COQ5: variants seen among roughly 807,000 people sequenced by gnomAD.
COQ5 encodes 2-methoxy-6-polyprenyl-1,4-benzoquinol methylase, mitochondrial.
In COQ5, 27 loss-of-function variants were observed where a neutral mutation model predicts 40.5. The ratio of observed to expected loss-of-function variants is 0.67; its 90% confidence interval spans 0.49 to 0.92. The LOEUF is 0.92. Among genes scored for constraint, COQ5 ranks in the 40% least tolerant of loss-of-function variants. The probability of loss-of-function intolerance (pLI) is 0.00; values close to 1 mark genes in which losing one functional copy is unlikely to be tolerated. For synonymous variants in COQ5, 141 were observed against 150.0 expected (o/e 0.94, Z 0.44); for missense variants, 409 against 406.4 (o/e 1.01, Z -0.06).
At chr12:120,523,412 C>T (rs760561651) in intron 1 of COQ5, 7 of 401,052 alleles carry the variant, frequency 1.7e-5, no homozygotes, top group Non-Finnish European at 3.4e-5. Flanking sequence ...TCGGGACTGG[C>T]TGTGTGTGGT....
intron 4 of COQ5, among the ~76,000 whole-genome samples, chr12:120,506,603 G>T (rs1868892550): frequency 6.6e-6 from 1 of 152,020 alleles, no homozygotes; most frequent in Non-Finnish European, 1.5e-5. Context: ...GAGACTTCAG[G>T]TGATCCTTCC....
chr12:120,520,378 T>G (rs1282783266), intron 2 of COQ5, among the ~76,000 whole-genome samples: 5 of 149,030 alleles, frequency 3.4e-5, no homozygotes, highest in African/African-American at 9.9e-5. Flanking sequence ...CAGGCTGGAG[T>G]GTGGTGGCTT....
In COQ5 at chr12:120,510,215, A is replaced by C; in HGVS notation, c.575-92T>G. On this transcript the variant is annotated intron_variant, in intron 3 of 6. Coordinates refer to ENST00000288532, the MANE Select transcript of COQ5 (RefSeq NM_032314.4). ...TTTCATGTAGAGCATTGAGCTGGAG[A>C]GCCCAAGTCCTGGGTGGTTAGGCTG... 1.3e-5 allele frequency: 13 copies of C among 996,088 alleles called. 1 individual carries two copies. In the South Asian group the frequency reaches 1.7e-4, roughly 13 times the overall value. The allele number at this position is 996,088 out of a possible 1,614,324, so 61.7% of individuals were successfully genotyped here.
intron 1 of COQ5, chr12:120,522,799 T>C: frequency 1.5e-6 from 1 of 668,684 alleles, no homozygotes; most frequent in Non-Finnish European, 2.7e-6. Flanking sequence ...AATGAGCACA[T>C]TTCCCAAGCC....
At chr12:120,519,861 A>ACTTGGACT (rs1869559555) in intron 2 of COQ5, among the ~76,000 whole-genome samples, 1 of 119,902 alleles carries the variant, frequency 8.3e-6, no homozygotes, top group Non-Finnish European at 1.8e-5. Flanking sequence ...CAAGAACGAG[A>ACTTGGACT]CTTGGACTCA....
At chr12:120,506,938 A>G (rs566608191) in intron 4 of COQ5, among the ~76,000 whole-genome samples, 1 of 151,956 alleles carries the variant, frequency 6.6e-6, no homozygotes, top group Non-Finnish European at 1.5e-5. Flanking sequence ...GGTTCAAGCA[A>G]TTCTCCTGTC....
intron 1 of COQ5, 192 bp from the exon 2 acceptor site, chr12:120,522,555 CA>C: frequency 1.5e-6 from 1 of 652,934 alleles, no homozygotes. Flanking sequence ...TTTCCTGCCT[CA>C]GATTTATTTG....
At chr12:120,513,918 G>A (rs910334821) in intron 3 of COQ5, among the ~76,000 whole-genome samples, 2 of 152,124 alleles carry the variant, frequency 1.3e-5, no homozygotes, top group Non-Finnish European at 2.9e-5. Flanking sequence ...ATTGGAGATT[G>A]ATAAAACAAG....
chr12:120,527,988 C>CAAAAAAAAAAAAAAAAAAAAAAAAAAAA (rs55830211), intron 1 of COQ5, among the ~76,000 whole-genome samples: 1 of 23,036 alleles, frequency 4.3e-5, no homozygotes, highest in Non-Finnish European at 8.1e-5. Flanking sequence ...GACTCAGTCT[C>CAAAAAAAAAAAAAAAAAAAAAAAAAAAA]AAAAAAAAAA....
In COQ5 at chr12:120,507,288, A is replaced by AT. The variant is rs954954756; in HGVS notation, c.682-2306dup. Reference sequence around the variant, plus strand: ...AATATAAATGGAATCTATTCAACTTATTTTTTTTTTTTTTGAGACGGAGTC... The same window carrying AT: ...AATATAAATGGAATCTATTCAACTTATTTTTTTTTTTTTTTGAGACGGAGTC... On this transcript the variant is annotated intron_variant, in intron 4 of 6. Transcript: ENST00000288532. Among the ~76,000 whole-genome samples, 626 of 136,956 alleles carry AT rather than the reference A, an allele frequency of 4.6e-3. 1 individual carries two copies. Among genetic ancestry groups the AT allele is most frequent in the Middle Eastern group, 7.7e-3 (2 of 260 alleles). The allele number at this position is 136,956 out of a possible 152,430, so 89.8% of individuals were successfully genotyped here. A position where few individuals can be genotyped will look rare whatever the true frequency, so the allele number is the denominator to read the frequency against.
At chr12:120,519,172 G>A (rs1430900078) in intron 2 of COQ5, among the ~76,000 whole-genome samples, 1 of 152,132 alleles carries the variant, frequency 6.6e-6, no homozygotes, top group Non-Finnish European at 1.5e-5. Context: ...GAAGAAATAG[G>A]TTATTTCCAA....
At chr12:120,517,660 C>G (rs1419994910) in intron 2 of COQ5, among the ~76,000 whole-genome samples, 2 of 149,844 alleles carry the variant, frequency 1.3e-5, no homozygotes, top group African/African-American at 4.9e-5. Context: ...CCAGCCTGGG[C>G]GACAGAGCAA....
intron 1 of COQ5, chr12:120,522,579 A>AG (rs1869722614): frequency 1.5e-6 from 1 of 645,618 alleles, no homozygotes; most frequent in African/African-American, 1.8e-5. Context: ...CAAATAGCAC[A>AG]GGAGGACCCC....
At position 120,522,800 on chromosome 12, in the gene COQ5, T is replaced by C. The variant is rs558827325; in HGVS notation, c.203-437A>G. 4.5e-6 allele frequency: 3 copies of C among 667,658 alleles called. No individual in the cohort carries two copies. In the African/African-American group the frequency reaches 5.4e-5, roughly 12 times the overall value. 41.4% of individuals were successfully genotyped at this position (667,658 alleles called of 1,614,324 possible). Reference sequence around the variant, plus strand: ...CTTGGCAATGCAGGAATGAGCACATTTCCCAAGCCTGGGGGTGGGCAATGT... The same window carrying C: ...CTTGGCAATGCAGGAATGAGCACATCTCCCAAGCCTGGGGGTGGGCAATGT... On this transcript the variant is annotated intron_variant, in intron 1 of 6. Transcript: ENST00000288532.
At chr12:120,517,452 C>T (rs549269019) in intron 2 of COQ5, among the ~76,000 whole-genome samples, 4 of 149,572 alleles carry the variant, frequency 2.7e-5, no homozygotes, top group Non-Finnish European at 4.4e-5. Context: ...GGTTGGATCA[C>T]GAGGTCAGGA....
intron 4 of COQ5, among the ~76,000 whole-genome samples, chr12:120,506,687 C>T (rs910262396): frequency 6.6e-6 from 1 of 151,958 alleles, no homozygotes; most frequent in African/African-American, 2.4e-5. Context: ...ATTATTCTGC[C>T]TCCCTATCAC....
At chr12:120,521,064 GTTTTTTTT>G (rs35534303) in intron 2 of COQ5, among the ~76,000 whole-genome samples, 2 of 123,712 alleles carry the variant, frequency 1.6e-5, no homozygotes, top group East Asian at 4.4e-4. Context: ...GTAATCCTGC[GTTTTTTTT>G]TTTTTTTTTT....
intron 1 of COQ5, among the ~76,000 whole-genome samples, chr12:120,524,619 A>G (rs1039795732): frequency 1.3e-5 from 2 of 152,076 alleles, no homozygotes; most frequent in Non-Finnish European, 2.9e-5. Context: ...CGGCTATATC[A>G]GTGCCAGCTC....
chr12:120,520,718 A>G (rs1237908725), intron 2 of COQ5, among the ~76,000 whole-genome samples: 1 of 152,002 alleles, frequency 6.6e-6, no homozygotes, highest in Non-Finnish European at 1.5e-5. Flanking sequence ...TGATCCTCCC[A>G]AAGTGCTACG....
Sources: gnomAD v4.1 joint callset for allele counts (sites outside exome capture counted in the v4.1 genomes callset) on GRCh38, gnomAD v4.1.1 for gene constraint, MANE v1.5 for transcripts, NCBI Gene and HGNC (gene_info 2026-07-23, HGNC 2026-07-21) for gene names.